Variants in KLRG1 observed in about 807,000 individuals in gnomAD.
KLRG1 encodes the protein killer cell lectin-like receptor subfamily G member 1.
Under a neutral mutation model 21.8 loss-of-function variants are expected in KLRG1, and 16 were observed. That is an observed-to-expected ratio of 0.73 (90% CI 0.50 to 1.11). The LOEUF (loss-of-function observed/expected upper bound fraction) is 1.11, where lower values mean the gene tolerates loss of function less well. Among genes scored for constraint, KLRG1 ranks in the 50% most tolerant of loss-of-function variants. The pLI is 0.00. For missense variants in KLRG1, 173 were observed against 218.3 expected, an observed-to-expected ratio of 0.79 and a Z score of 1.31; for synonymous variants, 69 against 75.9, an observed-to-expected ratio of 0.91 and a Z score of 0.47.
Position 9,009,690 on chromosome 12 carries a change from T to C in KLRG1, c.*153T>C, listed in dbSNP as rs1402355135. On this transcript the variant is annotated 3_prime_UTR_variant, in exon 5 of 5. Coordinates refer to ENST00000356986, the MANE Select transcript of KLRG1 (RefSeq NM_005810.4). The stretch of plus-strand genomic sequence containing the variant: ...TAGATGCAAGACAACCTCCTAGGGA[T>C]TGATGCCTAACTGATGGATTCTCTT... The C allele has an allele frequency of 1.4e-6, 2 of 1,432,760 alleles. No individual in the cohort carries two copies. The highest frequency in any genetic ancestry group is 1.8e-6 in the Non-Finnish European group (2 of 1,097,900). The allele number at this position is 1,432,760 out of a possible 1,614,324, so 88.8% of individuals were successfully genotyped here. A position where few individuals can be genotyped will look rare whatever the true frequency, so the allele number is the denominator to read the frequency against.
the KLRG1 span, chr12:9,194,287 G>C: frequency 6.4e-7 from 1 of 1,565,498 alleles, no homozygotes; most frequent in Non-Finnish European, 8.7e-7. Context: ...ACCCAGAGAG[G>C]ACTGAACTCA....
the KLRG1 span, chr12:9,072,504 C>A: frequency 6.2e-7 from 1 of 1,605,702 alleles, no homozygotes; most frequent in Non-Finnish European, 8.5e-7. Flanking sequence ...ACATCAAAGA[C>A]AAAATCAGTT....
At chr12:8,950,935 G>A (rs1461368136) in intron 1 of KLRG1, among the ~76,000 whole-genome samples, 1 of 151,834 alleles carries the variant, frequency 6.6e-6, no homozygotes, top group Non-Finnish European at 1.5e-5. Context: ...CAAGCACTAC[G>A]CTTTACCGAC....
chr12:9,170,623 C>A, the KLRG1 span, among the ~76,000 whole-genome samples: 1 of 152,182 alleles, frequency 6.6e-6, no homozygotes, highest in African/African-American at 2.4e-5. This position sits in a 1 kb window ranked among gnomAD's most constrained non-coding sequence, Gnocchi z 4.6. Flanking sequence ...TGGGTGCCAT[C>A]TCTGTGGTTC....
At chr12:9,017,084 C>T in the KLRG1 span, among the ~76,000 whole-genome samples, 6 of 151,424 alleles carry the variant, frequency 4.0e-5, no homozygotes, top group East Asian at 7.8e-4. Context: ...ACCAACATGG[C>T]GAAACCTTGT....
chr12:8,976,055 A>T (rs1270899016), intron 1 of KLRG1, among the ~76,000 whole-genome samples: 1 of 151,446 alleles, frequency 6.6e-6, no homozygotes, highest in Non-Finnish European at 1.5e-5. Context: ...TGAGGTGTGA[A>T]GTTAGATTGT....
intron 1 of KLRG1, among the ~76,000 whole-genome samples, chr12:8,976,943 G>A (rs1946666156): frequency 1.3e-5 from 2 of 151,850 alleles, no homozygotes; most frequent in Non-Finnish European, 2.9e-5. Context: ...TAGAAACGGG[G>A]TTTCACCATG....
chr12:8,997,251 C>T (rs953526646), intron 3 of KLRG1, among the ~76,000 whole-genome samples: 7 of 152,190 alleles, frequency 4.6e-5, no homozygotes, highest in African/African-American at 1.7e-4. Flanking sequence ...CGGAATGTCC[C>T]TGCTAGATGT....
chr12:8,980,982 GCTTTCTACA>G (rs1946746100), intron 1 of KLRG1, among the ~76,000 whole-genome samples: 1 of 152,164 alleles, frequency 6.6e-6, no homozygotes, highest in South Asian at 2.1e-4. Context: ...CAGGTAAAAT[GCTTTCTACA>G]CTTTTCTGCA....
At chr12:9,098,089 G>T in the KLRG1 span, among the ~76,000 whole-genome samples, 1 of 152,204 alleles carries the variant, frequency 6.6e-6, no homozygotes, top group African/African-American at 2.4e-5. Context: ...AGGACTTTGG[G>T]TACTGTATGG....
chr12:9,192,452 C>T, the KLRG1 span: 3 of 1,482,442 alleles, frequency 2.0e-6, no homozygotes, highest in South Asian at 2.3e-5. Flanking sequence ...ATTCCTGAGC[C>T]TATTGACCAC....
At chr12:9,152,303 C>G in the KLRG1 span, 4 of 1,611,560 alleles carry the variant, frequency 2.5e-6, no homozygotes, top group African/African-American at 5.3e-5. Context: ...GGACGGTTTC[C>G]TGTGTAACTG....
At chr12:9,196,335 C>G in the KLRG1 span, 2 of 1,604,686 alleles carry the variant, frequency 1.2e-6, no homozygotes, top group Non-Finnish European at 1.7e-6. Flanking sequence ...CTTACCTGTG[C>G]AAAAAAGGGG....
chr12:9,062,604 C>G, the KLRG1 span, among the ~76,000 whole-genome samples: 1 of 145,218 alleles, frequency 6.9e-6, no homozygotes, highest in Non-Finnish European at 1.5e-5. Flanking sequence ...ATAATAAATA[C>G]ATTGTATTAT....
chr12:9,109,806 C>T, the KLRG1 span: 1 of 1,474,918 alleles, frequency 6.8e-7, no homozygotes. Context: ...ACTTAAATTC[C>T]AGGACCTAAG....
At chr12:9,124,610 C>T in the KLRG1 span, among the ~76,000 whole-genome samples, 1 of 152,210 alleles carries the variant, frequency 6.6e-6, no homozygotes, top group Non-Finnish European at 1.5e-5. Context: ...AGCTGCGGCA[C>T]CCTCACAGGT....
chr12:9,161,983 TAA>T, the KLRG1 span, among the ~76,000 whole-genome samples: 5 of 152,052 alleles, frequency 3.3e-5, no homozygotes, highest in Non-Finnish European at 7.4e-5. Flanking sequence ...TTTGTTTTTT[TAA>T]GAGTCTCACT....
At chr12:9,052,369 G>A in the KLRG1 span, among the ~76,000 whole-genome samples, 1 of 152,200 alleles carries the variant, frequency 6.6e-6, no homozygotes, top group African/African-American at 2.4e-5. Flanking sequence ...ACTTTGGGAA[G>A]GGCAAATTCA....
the KLRG1 span, among the ~76,000 whole-genome samples, chr12:9,215,462 C>T: frequency 5.3e-5 from 8 of 151,960 alleles, no homozygotes; most frequent in South Asian, 2.1e-4. Flanking sequence ...ATTTTAATTA[C>T]GTTTTTAATA....
Sources: allele counts gnomAD v4.1 joint callset (sites outside exome capture counted in the v4.1 genomes callset), GRCh38; gene constraint gnomAD v4.1.1; non-coding constraint Gnocchi (gnomAD v3.1); transcripts MANE v1.5; gene names NCBI Gene and HGNC (gene_info 2026-07-23, HGNC 2026-07-21).